Variants in BTNL8 observed in about 807,000 individuals in gnomAD.
BTNL8 encodes butyrophilin like 8.
In BTNL8, 22 loss-of-function variants were observed where a neutral mutation model predicts 36.1. The observed-to-expected ratio is 0.61, with a 90% CI of 0.44 to 0.87. BTNL8 has a LOEUF of 0.87. Among genes scored for constraint, BTNL8 ranks in the 40% least tolerant of loss-of-function variants. The pLI, the probability that BTNL8 is intolerant of heterozygous loss-of-function variation, is 0.00. For synonymous variants in BTNL8, 203 were observed against 235.6 expected (o/e 0.86, Z 1.27); for missense variants, 526 against 616.9 (o/e 0.85, Z 1.56).
In BTNL8 at chr5:180,950,169, G is replaced by T. The variant is rs750251421; in HGVS notation, c.1128G>T (p.Gly376=). The T allele has an allele frequency of 4.8e-6, 7 of 1,462,916 alleles. 2 individuals are homozygous for T. The East Asian group carries it at 1.7e-4, about 36-fold the overall frequency. 90.6% of individuals were successfully genotyped at this position (1,462,916 alleles called of 1,614,324 possible). ...ACGTGACTTTGTCTCCCGATCATGG[G>T]TACTGGGTCCTCAGACTGAATGGAG... ...KEYVTLSPDH[G]YWVLRLNGEH... is the part of the protein sequence containing the mutation. The change falls in exon 8 of 8, where the codon GGG becomes GGT. Residue 376 remains glycine (G), a synonymous_variant. Coordinates refer to ENST00000340184, the MANE Select transcript of BTNL8 (RefSeq NM_001040462.3).
At chr5:180,925,229 C>A (rs1189920612) in intron 3 of BTNL8, among the ~76,000 whole-genome samples, 2 of 152,138 alleles carry the variant, frequency 1.3e-5, no homozygotes, top group African/African-American at 4.8e-5. Flanking sequence ...ATCCCGAAGG[C>A]ATATTTAAGA....
At chr5:180,945,523 T>G (rs1011644746) in intron 3 of BTNL8, among the ~76,000 whole-genome samples, 1 of 152,118 alleles carries the variant, frequency 6.6e-6, no homozygotes, top group African/African-American at 2.4e-5. Context: ...GGTGAAGGAC[T>G]ACCCACAGAG....
chr5:180,899,218 G>A lies in BTNL8; in HGVS notation c.-93G>A. 1.3e-6 allele frequency: 2 copies of A among 1,490,944 alleles called. No homozygotes were observed. Among genetic ancestry groups the A allele is most frequent in the Non-Finnish European group, 1.9e-6 (2 of 1,070,564 alleles). 92.4% of individuals were successfully genotyped at this position (1,490,944 alleles called of 1,614,324 possible). Reference sequence around the variant, plus strand: ...CCTCTCCGTGGCTTCCGCACCTTGAGCATTAGGCCAGTTCTCCTCTTCTCT... The same window carrying A: ...CCTCTCCGTGGCTTCCGCACCTTGAACATTAGGCCAGTTCTCCTCTTCTCT... On this transcript the variant is annotated 5_prime_UTR_variant, in exon 1 of 8. Coordinates refer to ENST00000340184, the MANE Select transcript of BTNL8 (RefSeq NM_001040462.3).
At chr5:180,919,404 A>G (rs1757774954) in intron 3 of BTNL8, among the ~76,000 whole-genome samples, 1 of 152,192 alleles carries the variant, frequency 6.6e-6, no homozygotes, top group Non-Finnish European at 1.5e-5. Context: ...TTGACTGGGA[A>G]GCTTAGAATT....
Position 180,911,603 on chromosome 5 carries a change from T to C in BTNL8, c.662T>C (p.Val221Ala), listed in dbSNP as rs928392180. 1 of 1,611,150 alleles carries C rather than the reference T, an allele frequency of 6.2e-7. No homozygotes were observed. The highest frequency in any genetic ancestry group is 1.3e-5 in the African/African-American group (1 of 74,684). ...AHLSREVESRVQIGDTFFEPI... is the reference protein window; with the variant it reads ...AHLSREVESRAQIGDTFFEPI... ...CTGAGCCGAGAGGTGGAATCCAGGG[T>C]ACAGATAGGAGGTGAGTAGGGAGGG... Residue 221 changes from valine (V) to alanine (A), a missense_variant, in exon 3 of 8, where the codon GTA (valine) becomes GCA (alanine). Physicochemically the swap from Val to Ala is moderately conservative, Grantham distance 64 (BLOSUM62 0). Coordinates refer to ENST00000340184, the MANE Select transcript of BTNL8 (RefSeq NM_001040462.3).
chr5:180,948,580 C>G, intron 5 of BTNL8: 2 of 1,285,332 alleles, frequency 1.6e-6, no homozygotes, highest in South Asian at 2.6e-5. Flanking sequence ...GCCCCGGGGC[C>G]TGGAAGTCCC....
rs1424836070 is a variant in BTNL8, at chr5:180,908,922, T to A, written c.386T>A (p.Leu129Gln). The part of the protein sequence containing the change: ...QSYYQKAIWE[L>Q]QVSALGSVPL... ...TACTACCAGAAGGCCATCTGGGAGCTACAGGTGTCAGGTCAGTTTCATATT... is the reference window on the plus strand; with the variant it reads ...TACTACCAGAAGGCCATCTGGGAGCAACAGGTGTCAGGTCAGTTTCATATT... Residue 129 changes from leucine to glutamine, a missense_variant, in exon 2 of 8, where the codon CTA becomes CAA. Leu to Gln is a moderately radical substitution (Grantham distance 113). Around this residue, in one of 2 missense-constraint regions of BTNL8, gnomAD observed 350 missense variants for 324.6 expected, o/e 1.08. Coordinates refer to ENST00000340184, the MANE Select transcript of BTNL8 (RefSeq NM_001040462.3). The A allele has an allele frequency of 6.2e-7, 1 of 1,612,362 alleles. No individual in the cohort carries two copies. Among genetic ancestry groups the A allele is most frequent in the Non-Finnish European group, 8.5e-7 (1 of 1,178,716 alleles).
intron 3 of BTNL8, among the ~76,000 whole-genome samples, chr5:180,933,892 C>A (rs556680919): frequency 5.3e-5 from 8 of 152,124 alleles, no homozygotes; most frequent in African/African-American, 1.9e-4. Context: ...ATTTCTCAAA[C>A]TCTTCCAAAA....
chr5:180,901,733 G>T (rs569453444), intron 1 of BTNL8, among the ~76,000 whole-genome samples: 4 of 152,194 alleles, frequency 2.6e-5, no homozygotes, highest in South Asian at 2.1e-4. Context: ...CATGTACCAA[G>T]AATTTTTTTT....
intron 3 of BTNL8, among the ~76,000 whole-genome samples, chr5:180,939,340 A>G (rs1438705447): frequency 6.6e-6 from 1 of 152,142 alleles, no homozygotes; most frequent in African/African-American, 2.4e-5. Context: ...ACACACAAAG[A>G]CTGAAATTGA....
At position 180,947,512 on chromosome 5, in the gene BTNL8, A is replaced by C; in HGVS notation, c.674A>C (p.Asp225Ala). Residue 225 changes from aspartate to alanine, a missense_variant and splice_region_variant, in exon 4 of 8, where the codon GAT becomes GCT. By Grantham distance (126) the Asp-to-Ala change is moderately radical. This residue lies in a region of BTNL8 where 350 missense variants were observed against 324.6 expected (regional missense o/e 1.08). Transcript: ENST00000340184. ...REVESRVQIG[D>A]TFFEPISWHL... is the part of the protein sequence containing the mutation. ...AAATGTCTGTGGGATTGTTTTTCAG[A>C]TACCTTTTTCGAGCCTATATCGTGG... The C allele has an allele frequency of 6.2e-7, 1 of 1,612,906 alleles. No homozygotes were observed. The highest frequency in any genetic ancestry group is 8.5e-7 in the Non-Finnish European group (1 of 1,178,962).
chr5:180,920,511 A>G (rs1757815622), intron 3 of BTNL8, among the ~76,000 whole-genome samples: 1 of 152,126 alleles, frequency 6.6e-6, no homozygotes. Context: ...GCATACAGAA[A>G]AATCTCCTTG....
chr5:180,926,912 G>A (rs891947397), intron 3 of BTNL8, among the ~76,000 whole-genome samples: 4 of 152,184 alleles, frequency 2.6e-5, no homozygotes, highest in South Asian at 2.1e-4. Context: ...AGACTTAAAC[G>A]TTCCTGCCTG....
In BTNL8 at chr5:180,949,489, C is replaced by CT. The variant is rs1561950046; in HGVS notation, c.862+224_862+225insT. 4 of 687,364 alleles carry CT rather than the reference C, an allele frequency of 5.8e-6. No individual in the cohort carries two copies. In the African/African-American group the frequency reaches 7.5e-5, roughly 13 times the overall value. The allele number at this position is 687,364 out of a possible 1,614,324, so 42.6% of individuals were successfully genotyped here. ...AGACAGGGGCTGGGTAAACGGGAGACGGGGGGGTCTTTGGCACAGTTTCAG... is the reference window on the plus strand; with the variant it reads ...AGACAGGGGCTGGGTAAACGGGAGACTGGGGGGGTCTTTGGCACAGTTTCAG... On this transcript the variant is annotated intron_variant, in intron 7 of 7. Coordinates refer to ENST00000340184, the MANE Select transcript of BTNL8 (RefSeq NM_001040462.3).
chr5:180,941,912 C>CTTTTTTTT (rs1554145496), intron 3 of BTNL8, among the ~76,000 whole-genome samples: 15 of 145,042 alleles, frequency 1.0e-4, no homozygotes, highest in African/African-American at 7.8e-5. Flanking sequence ...TTTTACTACT[C>CTTTTTTTT]TTATTCAACA....
At chr5:180,905,290 C>G (rs1411362932) in intron 1 of BTNL8, among the ~76,000 whole-genome samples, 1 of 150,100 alleles carries the variant, frequency 6.7e-6, no homozygotes, top group Non-Finnish European at 1.5e-5. Flanking sequence ...TCCATTTCTT[C>G]TAGATTTTCT....
chr5:180,929,213 A>G, intron 3 of BTNL8, among the ~76,000 whole-genome samples: 1 of 152,332 alleles, frequency 6.6e-6, no homozygotes, highest in East Asian at 1.9e-4. Context: ...CTGAATGACT[A>G]CTGGGTAAAC....
intron 3 of BTNL8, among the ~76,000 whole-genome samples, chr5:180,921,721 TTATAA>T (rs1757873364): frequency 1.4e-5 from 2 of 148,006 alleles, no homozygotes; most frequent in African/African-American, 5.0e-5. Flanking sequence ...ATTGTAATAA[TTATAA>T]TAAAAGGGGT....
At chr5:180,930,041 A>G (rs1758295493) in intron 3 of BTNL8, among the ~76,000 whole-genome samples, 1 of 152,258 alleles carries the variant, frequency 6.6e-6, no homozygotes, top group Non-Finnish European at 1.5e-5. Context: ...AATATTCCTG[A>G]TAAACATCAA....
Sources: gnomAD v4.1 joint callset for allele counts (sites outside exome capture counted in the v4.1 genomes callset) on GRCh38, gnomAD v4.1.1 for gene constraint, gnomAD v4.1.1 regional missense constraint, MANE v1.5 for transcripts, NCBI Gene and HGNC (gene_info 2026-07-23, HGNC 2026-07-21) for gene names.